The following SOCS6 variants were observed in gnomAD, a reference collection of about 807,000 sequenced individuals.
SOCS6 encodes the protein STAT induced STAT inhibitor-4.
In SOCS6, 5 loss-of-function variants were observed where a neutral mutation model predicts 27.7. The ratio of observed to expected loss-of-function variants is 0.18; its 90% CI spans 0.09 to 0.38. The LOEUF is 0.38. Among genes scored for constraint, SOCS6 ranks in the 10% least tolerant of loss-of-function variants. The pLI is 1.00. For missense variants in SOCS6, 595 were observed against 688.1 expected, an observed-to-expected ratio of 0.86 and a Z score of 1.51; for synonymous variants, 271 against 260.0, an observed-to-expected ratio of 1.04 and a Z score of -0.41.
intron 1 of SOCS6, among the ~76,000 whole-genome samples, chr18:70,313,122 T>C (rs2062397248): frequency 6.6e-6 from 1 of 152,194 alleles, no homozygotes. Context: ...TATTTTAGGT[T>C]ATTGATTGGC....
intron 1 of SOCS6, among the ~76,000 whole-genome samples, chr18:70,294,706 G>C (rs2062315871): frequency 6.6e-6 from 1 of 152,194 alleles, no homozygotes; most frequent in Non-Finnish European, 1.5e-5. Context: ...TGCTAGACTG[G>C]TAAGGATTAC....
intron 1 of SOCS6, among the ~76,000 whole-genome samples, chr18:70,291,846 A>C (rs2062300893): frequency 6.6e-6 from 1 of 152,248 alleles, no homozygotes; most frequent in Admixed American, 6.5e-5. Context: ...AGTATATGTC[A>C]TAAAAAGGAG....
Position 70,325,826 on chromosome 18 carries a change from G to A in SOCS6, c.1158G>A (p.Trp386Ter). 6.2e-7 allele frequency: 1 copy of A among 1,614,198 alleles called. No individual in the cohort carries two copies. Among genetic ancestry groups the A allele is most frequent in the Non-Finnish European group, 8.5e-7 (1 of 1,180,034 alleles). The change falls in exon 2 of 2, where the codon TGG becomes TGA. Residue 386 changes from tryptophan (W) to a stop codon, truncating the protein, a stop_gained. Transcript: ENST00000397942. LOFTEE classifies it high-confidence loss of function. This position sits in a 1 kb window ranked among gnomAD's most constrained non-coding sequence, Gnocchi z 6.3. ...AACTTGCAAAGCAAGGATGGTACTG[G>A]GGACCAATCACACGTTGGGAGGCAG... ...LKKLAKQGWY[W>*]GPITRWEAEG...
intron 1 of SOCS6, among the ~76,000 whole-genome samples, chr18:70,312,082 A>T (rs189791500): frequency 6.6e-6 from 1 of 152,232 alleles, no homozygotes; most frequent in Non-Finnish European, 1.5e-5. Flanking sequence ...AAAACATCAC[A>T]TATATTAATG....
At chr18:70,314,743 T>C (rs569741160) in intron 1 of SOCS6, among the ~76,000 whole-genome samples, 3 of 152,250 alleles carry the variant, frequency 2.0e-5, no homozygotes, top group African/African-American at 7.2e-5. Flanking sequence ...CTTTCCAATA[T>C]TTATATTTAT....
rs535454922 is a variant in SOCS6, at chr18:70,324,684, C to T, written c.16C>T (p.Leu6Phe). The T allele has an allele frequency of 1.3e-6, 2 of 1,587,410 alleles. No homozygotes were observed. Among genetic ancestry groups the T allele is most frequent in the African/African-American group, 1.4e-5 (1 of 73,808 alleles). MKKIS[L>F]KTLRKSFNLN... The stretch of plus-strand genomic sequence containing the variant: ...ACTAGTCATAATGAAGAAAATTAGT[C>T]TTAAAACCTTACGGAAATCTTTTAA... Residue 6 changes from leucine to phenylalanine, a missense_variant, in exon 2 of 2, where the codon CTT becomes TTT. Physicochemically the swap from Leu to Phe is conservative, Grantham distance 22. This residue lies in a region of SOCS6 where 467 missense variants were observed against 481.1 expected (regional missense o/e 0.97). Coordinates refer to ENST00000397942, the MANE Select transcript of SOCS6 (RefSeq NM_004232.4).
intron 1 of SOCS6, among the ~76,000 whole-genome samples, chr18:70,323,418 A>C (rs1017275686): frequency 2.0e-5 from 3 of 152,194 alleles, no homozygotes; most frequent in Non-Finnish European, 1.5e-5. Flanking sequence ...AGTGTAGAAC[A>C]ATGTACAAAA....
chr18:70,306,696 A>G (rs542396741), intron 1 of SOCS6, among the ~76,000 whole-genome samples: 1 of 152,092 alleles, frequency 6.6e-6, no homozygotes, highest in East Asian at 1.9e-4. Flanking sequence ...TTCAGCATTA[A>G]GTATGATGTT....
intron 1 of SOCS6, among the ~76,000 whole-genome samples, chr18:70,302,770 A>G (rs1304538379): frequency 8.2e-6 from 1 of 122,122 alleles, no homozygotes; most frequent in South Asian, 2.8e-4. Context: ...ATACACCAGT[A>G]TAAAAAAAAA....
At chr18:70,300,748 C>T (rs2062344855) in intron 1 of SOCS6, among the ~76,000 whole-genome samples, 1 of 152,034 alleles carries the variant, frequency 6.6e-6, no homozygotes. Context: ...GTGTCAATAG[C>T]CTATAAAGTA....
chr18:70,297,874 G>T (rs2062331135), intron 1 of SOCS6, among the ~76,000 whole-genome samples: 1 of 152,084 alleles, frequency 6.6e-6, no homozygotes, highest in South Asian at 2.1e-4. Context: ...TCTTCATTTG[G>T]ATGTACTTTA....
chr18:70,325,712 G>A lies in SOCS6; in HGVS notation c.1044G>A (p.Pro348=), dbSNP rs940045889. Residue 348 remains proline (P), a synonymous_variant, in exon 2 of 2, where the codon CCG becomes CCA. Coordinates refer to ENST00000397942, the MANE Select transcript of SOCS6 (RefSeq NM_004232.4). This position sits in a 1 kb window ranked among gnomAD's most constrained non-coding sequence, Gnocchi z 6.3. ...TGCGCTGTCATTTGAATTTTGATCC[G>A]AACTCTGCTCCTGGGGTTGCAAGAG... ...ESMRCHLNFD[P]NSAPGVARVY... is the part of the protein sequence containing the mutation. 4.3e-6 allele frequency: 7 copies of A among 1,614,032 alleles called. No individual in the cohort carries two copies. Among genetic ancestry groups the A allele is most frequent in the African/African-American group, 1.3e-5 (1 of 74,918 alleles).
intron 1 of SOCS6, among the ~76,000 whole-genome samples, chr18:70,304,864 C>A (rs937051961): frequency 6.6e-6 from 1 of 152,060 alleles, no homozygotes; most frequent in Non-Finnish European, 1.5e-5. Flanking sequence ...GTATTGTGTC[C>A]AGGAACTCTT....
rs566660422 is a variant in SOCS6, at chr18:70,318,095, A to G, written c.-126-6448A>G. Among the ~76,000 whole-genome samples, 5 of 152,272 alleles carry G rather than the reference A, an allele frequency of 3.3e-5. No individual in the cohort carries two copies. The South Asian group carries it at 1.0e-3, about 32-fold the overall frequency. ...GCCCTCGAACGCCTGACCTCAAGTG[A>G]TCCACCTGCCTCAGCATCCCAAAGT... On this transcript the variant is annotated intron_variant, in intron 1 of 1. Transcript: ENST00000397942.
chr18:70,321,003 A>G (rs943878338), intron 1 of SOCS6, among the ~76,000 whole-genome samples: 3 of 152,174 alleles, frequency 2.0e-5, no homozygotes, highest in Non-Finnish European at 4.4e-5. Flanking sequence ...TAGGCTGGGC[A>G]TAGTGGCTCA....
At position 70,325,059 on chromosome 18, in the gene SOCS6, C is replaced by T. The variant is rs776285560; in HGVS notation, c.391C>T (p.His131Tyr). Residue 131 changes from histidine (H) to tyrosine (Y), a missense_variant, in exon 2 of 2, where the codon CAC becomes TAC. Transcript: ENST00000397942. This position sits in a 1 kb window ranked among gnomAD's most constrained non-coding sequence, Gnocchi z 6.3. ...AAGGTCCACGTCGCTCCGCAGCCAT[C>T]ACTACAGTCCCGCGCCGTGGCCTCT... ...PIRSTSLRSHHYSPAPWPLRP... is the reference protein window; with the variant it reads ...PIRSTSLRSHYYSPAPWPLRP... The T allele has an allele frequency of 1.2e-6, 2 of 1,614,168 alleles. No homozygotes were observed. The highest frequency in any genetic ancestry group is 1.7e-6 in the Non-Finnish European group (2 of 1,180,040).
At chr18:70,292,464 C>T (rs2062304148) in intron 1 of SOCS6, among the ~76,000 whole-genome samples, 1 of 152,200 alleles carries the variant, frequency 6.6e-6, no homozygotes, top group African/African-American at 2.4e-5. Context: ...CCTCAGCACC[C>T]CCTCCGCCAG....
intron 1 of SOCS6, among the ~76,000 whole-genome samples, chr18:70,318,066 A>G (rs978950962): frequency 1.8e-4 from 28 of 152,142 alleles, no homozygotes; most frequent in African/African-American, 6.8e-4. Flanking sequence ...TGTTGGCCGG[A>G]CTGGCCCTCG....
intron 1 of SOCS6, among the ~76,000 whole-genome samples, chr18:70,321,325 T>TC (rs1910980915): frequency 7.3e-6 from 1 of 137,166 alleles, no homozygotes; most frequent in Non-Finnish European, 1.6e-5. Flanking sequence ...TTTTTTTTTT[T>TC]TTTTTTTTTT....
Sources: gnomAD v4.1 joint callset for allele counts (sites outside exome capture counted in the v4.1 genomes callset) on GRCh38, gnomAD v4.1.1 for gene constraint, gnomAD v4.1.1 regional missense constraint, Gnocchi (gnomAD v3.1) non-coding constraint, MANE v1.5 for transcripts, NCBI Gene and HGNC (gene_info 2026-07-23, HGNC 2026-07-21) for gene names.